The following RHOT1 variants were observed in gnomAD, a reference collection of about 807,000 sequenced individuals.
The protein encoded by RHOT1 is ras homolog family member T1.
A neutral mutation model predicts 95.3 loss-of-function variants in RHOT1; 27 were observed. The observed-to-expected ratio is 0.28, with a 90% CI of 0.21 to 0.39. The LOEUF is 0.39. Ranked by LOEUF, RHOT1 falls within the 10% of genes least tolerant of loss-of-function variation. RHOT1 has a pLI of 1.00. For missense variants in RHOT1, 578 were observed against 786.7 expected (o/e 0.73, Z 3.17); for synonymous variants, 227 against 263.5 (o/e 0.86, Z 1.34).
chr17:32,223,692 G>C (rs1739424301), intron 19 of RHOT1, among the ~76,000 whole-genome samples: 1 of 152,146 alleles, frequency 6.6e-6, no homozygotes, highest in Non-Finnish European at 1.5e-5. Context: ...GGGATTACAG[G>C]CATGAGCCAC....
rs556069777 is a variant in RHOT1 at position 32,167,305 on chromosome 17, A to C, written c.38-3738A>C. ...GGCTTTGTTATTCCATTTATAGAGC[A>C]CAGGCAGAATAGATTGAGCATAATT... On this transcript the variant is annotated intron_variant, in intron 1 of 19. Transcript: ENST00000545287. Among the ~76,000 whole-genome samples, 6 of 152,114 alleles carry C rather than the reference A, an allele frequency of 3.9e-5. No individual in the cohort carries two copies. The East Asian group carries it at 1.2e-3, about 29-fold the overall frequency.
chr17:32,222,031 T>C (rs2038865500), intron 19 of RHOT1, among the ~76,000 whole-genome samples: 1 of 152,240 alleles, frequency 6.6e-6, no homozygotes, highest in Non-Finnish European at 1.5e-5. Context: ...GATTTTAATA[T>C]GATTATAGCT....
chr17:32,215,031 G>A (rs982271677), intron 19 of RHOT1, among the ~76,000 whole-genome samples: 4 of 148,614 alleles, frequency 2.7e-5, no homozygotes, highest in South Asian at 2.2e-4. Context: ...CTCAGCCTCC[G>A]GAGTAGCTGG....
chr17:32,198,147 C>T (rs931295585), intron 11 of RHOT1, among the ~76,000 whole-genome samples: 10 of 152,106 alleles, frequency 6.6e-5, no homozygotes, highest in Non-Finnish European at 1.3e-4. Flanking sequence ...CTCCTTGCCT[C>T]GGTCTCCCAA....
At chr17:32,173,708 A>G (rs2034761654) in intron 2 of RHOT1, 123 bp from the exon 3 acceptor site, 3 of 697,420 alleles carry the variant, frequency 4.3e-6, no homozygotes, top group Middle Eastern at 4.2e-4. Context: ...GTGAGACTCC[A>G]TTAAAAAAAA....
rs777698336 is a variant in RHOT1, at chr17:32,142,675, C to T, written c.-18C>T. On this transcript the variant is annotated 5_prime_UTR_variant, in exon 1 of 20. Coordinates refer to ENST00000545287, the MANE Select transcript of RHOT1 (RefSeq NM_001033566.3). ...CTCCGTGCGTGCGGGCGGAGGCCGG[C>T]CCCCGAGAGCCGCCGACATGAAGAA... The T allele has an allele frequency of 4.6e-6, 7 of 1,524,780 alleles. No homozygotes were observed. The Admixed American group carries it at 8.3e-5, about 18-fold the overall frequency. 94.5% of individuals were successfully genotyped at this position (1,524,780 alleles called of 1,614,324 possible).
chr17:32,206,192 C>CTTTTTTTTT (rs71144812), intron 16 of RHOT1, among the ~76,000 whole-genome samples: 24 of 60,528 alleles, frequency 4.0e-4, no homozygotes, highest in African/African-American at 1.8e-3. Context: ...TCCATAGAAT[C>CTTTTTTTTT]TTTTTTTTTT....
At chr17:32,181,295 C>T (rs543506220) in intron 6 of RHOT1, among the ~76,000 whole-genome samples, 5 of 152,274 alleles carry the variant, frequency 3.3e-5, no homozygotes, top group South Asian at 2.1e-4. Context: ...CCTGCCTACT[C>T]GCTGCCAAAA....
chr17:32,197,071 C>T (rs1425215555), intron 11 of RHOT1, among the ~76,000 whole-genome samples: 1 of 151,062 alleles, frequency 6.6e-6, no homozygotes, highest in Non-Finnish European at 1.5e-5. Flanking sequence ...TGCAGTGAGC[C>T]GAGATCGCAC....
chr17:32,189,736 C>CTTTTTTTTTTTTTT (rs71362807), intron 8 of RHOT1, among the ~76,000 whole-genome samples: 6 of 124,394 alleles, frequency 4.8e-5, no homozygotes, highest in African/African-American at 1.3e-4. Context: ...CTTTTCTTTT[C>CTTTTTTTTTTTTTT]TTTTTTTTTT....
chr17:32,164,547 T>G (rs1031876905), intron 1 of RHOT1, among the ~76,000 whole-genome samples: 2 of 152,010 alleles, frequency 1.3e-5, no homozygotes, highest in Non-Finnish European at 2.9e-5. Flanking sequence ...TCCCAATTTT[T>G]AATACCAAAA....
At chr17:32,182,658 A>T in intron 6 of RHOT1, 99 bp from the exon 7 acceptor site, 1 of 737,530 alleles carries the variant, frequency 1.4e-6, no homozygotes, top group Non-Finnish European at 2.2e-6. Flanking sequence ...TGAGAAGATT[A>T]AATAAAAGCT....
At position 32,206,975 on chromosome 17, in the gene RHOT1, G is replaced by A. The variant is rs780441729; in HGVS notation, c.1482G>A (p.Leu494=). The A allele has an allele frequency of 1.2e-6, 2 of 1,611,900 alleles. No homozygotes were observed. The highest frequency in any genetic ancestry group is 1.7e-5 in the Admixed American group (1 of 59,926). Reference sequence around the variant, plus strand: ...AAATCATTTGTGATGTTGTATGCCTGGTATATGATGTCAGCAATCCCAAAT... The same window carrying A: ...AAATCATTTGTGATGTTGTATGCCTAGTATATGATGTCAGCAATCCCAAAT... The part of the protein sequence containing the change: ...EAEIICDVVC[L]VYDVSNPKSF... Residue 494 remains leucine (L), a synonymous_variant, in exon 17 of 20, where the codon CTG becomes CTA. Coordinates refer to ENST00000545287, the MANE Select transcript of RHOT1 (RefSeq NM_001033566.3).
intron 19 of RHOT1, among the ~76,000 whole-genome samples, chr17:32,220,554 G>A (rs1001277737): frequency 2.6e-5 from 4 of 152,184 alleles, no homozygotes; most frequent in Admixed American, 2.6e-4. Context: ...TCTAAAAGGG[G>A]CTGGGCACAG....
At chr17:32,157,577 C>T (rs927645342) in intron 1 of RHOT1, among the ~76,000 whole-genome samples, 33 of 152,032 alleles carry the variant, frequency 2.2e-4, no homozygotes, top group Non-Finnish European at 8.8e-5. Context: ...GAGGTCGAGG[C>T]GGGTGCATCA....
chr17:32,176,817 C>T (rs1242678589), intron 6 of RHOT1, among the ~76,000 whole-genome samples: 3 of 152,066 alleles, frequency 2.0e-5, no homozygotes, highest in African/African-American at 7.2e-5. Context: ...ATGATCTGCT[C>T]GCCTTGGCCT....
chr17:32,203,079 T>G (rs113528600), intron 15 of RHOT1, among the ~76,000 whole-genome samples, 179 bp downstream of exon 15: 164 of 152,298 alleles, frequency 1.1e-3, no homozygotes, highest in African/African-American at 3.3e-3. Context: ...TCATTGATAT[T>G]AGCTATCATT....
chr17:32,183,141 ATT>A, intron 7 of RHOT1, 28 bp from the exon 8 acceptor site: 2 of 1,511,878 alleles, frequency 1.3e-6, no homozygotes, highest in Non-Finnish European at 9.1e-7. Flanking sequence ...CTCATAATTG[ATT>A]TCAGAGTGTA....
intron 1 of RHOT1, among the ~76,000 whole-genome samples, chr17:32,154,285 T>TAAAAAAAAAAAAAAAAA (rs539073195): frequency 1.8e-4 from 22 of 124,810 alleles, no homozygotes; most frequent in African/African-American, 6.2e-4. Context: ...TACGAGAAAT[T>TAAAAAAAAAAAAAAAAA]AAAAAAAAAA....
Sources: gnomAD v4.1 joint callset for allele counts (sites outside exome capture counted in the v4.1 genomes callset) on GRCh38, gnomAD v4.1.1 for gene constraint, MANE v1.5 for transcripts, NCBI Gene and HGNC (gene_info 2026-07-23, HGNC 2026-07-21) for gene names.